The following KIFAP3 variants were observed in gnomAD, a reference collection of about 807,000 sequenced individuals.
KIFAP3 encodes the protein kinesin-associated protein 3.
KIFAP3 carries 68 observed loss-of-function variants against 106.5 expected under a neutral mutation model. That is an observed-to-expected ratio of 0.64 (90% CI 0.53 to 0.78). KIFAP3 has a LOEUF of 0.78. Ranked by LOEUF, KIFAP3 falls within the 30% of genes least tolerant of loss-of-function variation. KIFAP3 has a pLI of 0.00. For synonymous variants in KIFAP3, 320 were observed against 311.5 expected (o/e 1.03, Z -0.29); for missense variants, 780 against 941.8 (o/e 0.83, Z 2.25).
chr1:170,077,281 C>T (rs748361108), upstream of KIFAP3, among the ~76,000 whole-genome samples: 4 of 152,210 alleles, frequency 2.6e-5, no homozygotes, highest in Non-Finnish European at 4.4e-5. Context: ...GGCACATACT[C>T]TAAATCTCAG....
Position 170,024,538 on chromosome 1 carries a change from C to A in KIFAP3, c.900G>T (p.Arg300Ser). 1 of 1,603,914 alleles carries A rather than the reference C, an allele frequency of 6.2e-7. No homozygotes were observed. Among genetic ancestry groups the A allele is most frequent in the Non-Finnish European group, 8.5e-7 (1 of 1,174,948 alleles). ...AEDTRTELKM[R>S]NKNIVHMLVK... ...CCAACATGTGAACTATGTTCTTGTTCCTCATTTTCAGTTCGGTACGAGTAT... is the reference window on the plus strand; with the variant it reads ...CCAACATGTGAACTATGTTCTTGTTACTCATTTTCAGTTCGGTACGAGTAT... Residue 300 changes from arginine to serine, a missense_variant, in exon 9 of 20, where the codon AGG (arginine) becomes AGT (serine). Transcript: ENST00000361580.
At chr1:170,013,200 T>G (rs1159264101) in intron 10 of KIFAP3, among the ~76,000 whole-genome samples, 2 of 152,112 alleles carry the variant, frequency 1.3e-5, no homozygotes, top group East Asian at 3.8e-4. Context: ...AATAAATTTC[T>G]GTTGTTTATA....
chr1:169,997,984 A>G (rs1259419947), intron 10 of KIFAP3, among the ~76,000 whole-genome samples: 1 of 151,504 alleles, frequency 6.6e-6, no homozygotes, highest in Admixed American at 6.6e-5. Context: ...CCCATATGTA[A>G]TAAGAACCCA....
In KIFAP3 at chr1:170,074,506, T is replaced by C. The variant is rs755815190; in HGVS notation, c.-39A>G. 3.1e-6 allele frequency: 5 copies of C among 1,613,476 alleles called. No individual in the cohort carries two copies. The highest frequency in any genetic ancestry group is 3.4e-6 in the Non-Finnish European group (4 of 1,179,786). Reference sequence around the variant, plus strand: ...GCGGCGTGGAGAGGATGGGGTATCTTGAGAGGCAGGCGCGGTTATTTCCGG... The same window carrying C: ...GCGGCGTGGAGAGGATGGGGTATCTCGAGAGGCAGGCGCGGTTATTTCCGG... On this transcript the variant is annotated 5_prime_UTR_variant, in exon 1 of 20. Coordinates refer to ENST00000361580, the MANE Select transcript of KIFAP3 (RefSeq NM_014970.4).
intron 3 of KIFAP3, among the ~76,000 whole-genome samples, chr1:170,045,874 A>G (rs1213992869): frequency 6.6e-6 from 1 of 152,070 alleles, no homozygotes; most frequent in East Asian, 1.9e-4. Context: ...TTACATCCCC[A>G]CTGTTCTTAC....
At chr1:170,005,836 A>G (rs2101973681) in intron 10 of KIFAP3, among the ~76,000 whole-genome samples, 1 of 151,448 alleles carries the variant, frequency 6.6e-6, no homozygotes, top group South Asian at 2.1e-4. Flanking sequence ...GTGCACATGT[A>G]CCCTAAAACT....
Position 169,970,062 on chromosome 1 carries a change from G to T in KIFAP3, c.1983+2451C>A, listed in dbSNP as rs1205186761. Among the ~76,000 whole-genome samples the T allele has an allele frequency of 2.0e-5, 3 of 152,004 alleles. No homozygotes were observed. The East Asian group carries it at 5.8e-4, about 29-fold the overall frequency. On this transcript the variant is annotated intron_variant, in intron 17 of 19. Coordinates refer to ENST00000361580, the MANE Select transcript of KIFAP3 (RefSeq NM_014970.4). ...TACAAATCTAATTGAGTTTTTAGAA[G>T]TTCTCTAGATCGGAGGGGTAGGTGA...
At chr1:169,930,498 T>C (rs1331261656) in intron 19 of KIFAP3, among the ~76,000 whole-genome samples, 1 of 152,216 alleles carries the variant, frequency 6.6e-6, no homozygotes, top group East Asian at 1.9e-4. Flanking sequence ...GTATACGGTG[T>C]AAATTCTGAA....
At chr1:169,952,885 CATT>C (rs531377072) in intron 19 of KIFAP3, among the ~76,000 whole-genome samples, 100 of 152,130 alleles carry the variant, frequency 6.6e-4, no homozygotes, top group African/African-American at 2.4e-3. Context: ...TACAAGTGAT[CATT>C]AAGAGTTATC....
chr1:170,038,842 T>C (rs1041463161), intron 4 of KIFAP3, among the ~76,000 whole-genome samples: 4 of 152,106 alleles, frequency 2.6e-5, no homozygotes, highest in Admixed American at 1.3e-4. Flanking sequence ...CCCAGCACTT[T>C]GGGAGGCTGA....
intron 18 of KIFAP3, among the ~76,000 whole-genome samples, chr1:169,956,996 T>C (rs949418433): frequency 6.6e-6 from 1 of 152,222 alleles, no homozygotes; most frequent in African/African-American, 2.4e-5. Flanking sequence ...CTCTGACATA[T>C]GAGTAATCTT....
At chr1:169,964,643 G>C (rs1665511505) in intron 17 of KIFAP3, among the ~76,000 whole-genome samples, 1 of 152,046 alleles carries the variant, frequency 6.6e-6, no homozygotes, top group African/African-American at 2.4e-5. Context: ...GCCATACTTG[G>C]GTGGGTATTG....
At chr1:169,930,087 T>C (rs1663378078) in intron 19 of KIFAP3, among the ~76,000 whole-genome samples, 1 of 152,244 alleles carries the variant, frequency 6.6e-6, no homozygotes, top group Non-Finnish European at 1.5e-5. Context: ...TTAACCTGCC[T>C]CCAGAGTAAT....
upstream of KIFAP3, among the ~76,000 whole-genome samples, chr1:170,076,216 GCAA>G (rs973069986): frequency 6.6e-6 from 1 of 151,886 alleles, no homozygotes; most frequent in Non-Finnish European, 1.5e-5. Context: ...AAAAACAATA[GCAA>G]CAACAACAAC....
At chr1:169,929,792 A>T (rs1481362920) in intron 19 of KIFAP3, among the ~76,000 whole-genome samples, 2 of 152,128 alleles carry the variant, frequency 1.3e-5, no homozygotes, top group Non-Finnish European at 2.9e-5. Flanking sequence ...TTATATGAGT[A>T]GTGGGAGGCT....
chr1:170,016,702 G>A, intron 9 of KIFAP3, 78 bp from the exon 10 acceptor site: 8 of 844,294 alleles, frequency 9.5e-6, no homozygotes, highest in East Asian at 3.1e-5. Flanking sequence ...TTTTTTCTTT[G>A]TTTTTACCCT....
At chr1:170,003,075 A>G (rs1157528316) in intron 10 of KIFAP3, among the ~76,000 whole-genome samples, 1 of 152,222 alleles carries the variant, frequency 6.6e-6, no homozygotes, top group Non-Finnish European at 1.5e-5. Flanking sequence ...TTCTTCCCCT[A>G]ACATTTTTAT....
intron 9 of KIFAP3, among the ~76,000 whole-genome samples, chr1:170,021,404 TAA>T (rs1002385395): frequency 7.0e-6 from 1 of 142,956 alleles, no homozygotes; most frequent in African/African-American, 2.5e-5. Context: ...CAAAACTTAA[TAA>T]AAAAAAACTT....
intron 19 of KIFAP3, among the ~76,000 whole-genome samples, chr1:169,930,914 C>CTT (rs151201224): frequency 4.0e-5 from 4 of 100,402 alleles, no homozygotes; most frequent in Admixed American, 1.1e-4. Flanking sequence ...ATTATTACTT[C>CTT]TTTTTTTTTT....
Sources: allele counts gnomAD v4.1 joint callset (sites outside exome capture counted in the v4.1 genomes callset), GRCh38; gene constraint gnomAD v4.1.1; transcripts MANE v1.5; gene names NCBI Gene and HGNC (gene_info 2026-07-23, HGNC 2026-07-21).